Variants in UBAP2L observed in about 807,000 individuals in gnomAD.
The protein encoded by UBAP2L is ubiquitin-associated protein 2-like.
Under a neutral mutation model 130.6 loss-of-function variants are expected in UBAP2L, and 12 were observed. The observed-to-expected ratio is 0.09, with a 90% CI of 0.06 to 0.15. The LOEUF is 0.15. Ranked by LOEUF, UBAP2L falls within the 10% of genes least tolerant of loss-of-function variation. The probability of loss-of-function intolerance (pLI) is 1.00; values close to 1 mark genes in which losing one functional copy is unlikely to be tolerated. For missense variants in UBAP2L, 965 were observed against 1,332.5 expected, an observed-to-expected ratio of 0.72 and a Z score of 4.29; for synonymous variants, 503 against 524.7, an observed-to-expected ratio of 0.96 and a Z score of 0.57.
chr1:154,254,769 T>C lies in UBAP2L; in HGVS notation c.1855-67T>C. The C allele has an allele frequency of 6.5e-6, 10 of 1,527,088 alleles. No homozygotes were observed. In the South Asian group the frequency reaches 8.3e-5, roughly 13 times the overall value. The allele number at this position is 1,527,088 out of a possible 1,614,324, so 94.6% of individuals were successfully genotyped here. ...GTTGACCAAAATAAAGCTGCATCAGTGCTAACTTTCCTCATTCACATGAGT... is the reference window on the plus strand; with the variant it reads ...GTTGACCAAAATAAAGCTGCATCAGCGCTAACTTTCCTCATTCACATGAGT... On this transcript the variant is annotated intron_variant, in intron 15 of 26. Transcript: ENST00000428931.
intron 23 of UBAP2L, 30 bp from the exon 24 acceptor site, chr1:154,261,562 C>G: frequency 6.2e-7 from 1 of 1,603,182 alleles, no homozygotes; most frequent in Non-Finnish European, 8.5e-7. Flanking sequence ...GCTGCCAAGT[C>G]ACTGCAAATC....
rs1472945517 is a variant in UBAP2L, at chr1:154,254,062, A to G, written c.1827A>G (p.Ser609=). 1 of 1,589,230 alleles carries G rather than the reference A, an allele frequency of 6.3e-7. No individual in the cohort carries two copies. Among genetic ancestry groups the G allele is most frequent in the Non-Finnish European group, 8.5e-7 (1 of 1,169,622 alleles). ...GGTACCCCAGCTCCATCTCTTCATC[A>G]CCCCAAAAGGACCTGACTCAGGCAA... ...TRRYPSSISS[S]PQKDLTQAKN... is the part of the protein sequence containing the mutation. The change falls in exon 15 of 27, where the codon TCA becomes TCG. Residue 609 remains serine, a synonymous_variant. Transcript: ENST00000428931.
intron 6 of UBAP2L, 99 bp from the exon 7 acceptor site, chr1:154,236,467 T>G: frequency 7.6e-7 from 1 of 1,307,198 alleles, no homozygotes; most frequent in Non-Finnish European, 1.1e-6. Context: ...TTCAAAGTGC[T>G]GGGATTACCA....
intron 17 of UBAP2L, 148 bp from the exon 18 acceptor site, chr1:154,255,535 C>T (rs1679339820): frequency 9.0e-7 from 1 of 1,106,778 alleles, no homozygotes; most frequent in Non-Finnish European, 1.3e-6. Flanking sequence ...TGCTCTCTAC[C>T]CCTGGCTGGC....
chr1:154,235,432 A>G, intron 6 of UBAP2L, 141 bp downstream of exon 6: 1 of 571,068 alleles, frequency 1.8e-6, no homozygotes, highest in South Asian at 2.3e-5. Flanking sequence ...AGCTCACTGC[A>G]GCCTCAGACT....
rs766545884 is a variant in UBAP2L at position 154,236,560 on chromosome 1, CT to C, written c.545-3del. 48 of 1,613,764 alleles carry C rather than the reference CT, an allele frequency of 3.0e-5. No individual in the cohort carries two copies. The highest frequency in any genetic ancestry group is 4.1e-5 in the Non-Finnish European group (48 of 1,179,930). On this transcript the variant is annotated splice_region_variant and splice_polypyrimidine_tract_variant and intron_variant, in intron 6 of 26. Coordinates refer to ENST00000428931, the MANE Select transcript of UBAP2L (RefSeq NM_014847.4). ...CTCTCTTCTCTTTTTCTCATTCTTT[CT>C]TTAGGTGGCTCTGGTAGGCGAGGAG...
chr1:154,226,879 G>A (rs1407837394), intron 2 of UBAP2L, among the ~76,000 whole-genome samples: 1 of 152,134 alleles, frequency 6.6e-6, no homozygotes, highest in Non-Finnish European at 1.5e-5. Flanking sequence ...CTGGAGTGCA[G>A]TGCCACTATC....
rs61695071 is a variant in UBAP2L at position 154,233,651 on chromosome 1, C to CTGTGTGTG, written c.280-920_280-913dup. ...CAGCCTGATCTTTTAAATGAAATTGCTGTGTGTGTGTGTGTGTGTGTGTGT... is the reference window on the plus strand; with the variant it reads ...CAGCCTGATCTTTTAAATGAAATTGCTGTGTGTGTGTGTGTGTGTGTGTGTGTGTGTGT... On this transcript the variant is annotated intron_variant, in intron 4 of 26. Coordinates refer to ENST00000428931, the MANE Select transcript of UBAP2L (RefSeq NM_014847.4). Among the ~76,000 whole-genome samples, 1,378 of 146,164 alleles carry CTGTGTGTG rather than the reference C, an allele frequency of 9.4e-3. 64 individuals carry two copies. Among genetic ancestry groups the CTGTGTGTG allele is most frequent in the African/African-American group, 0.032 (1,240 of 38,602 alleles).
chr1:154,220,506 C>A, upstream of UBAP2L: 2 of 1,368,254 alleles, frequency 1.5e-6, no homozygotes, highest in East Asian at 2.3e-5. Context: ...TCCCCTGGAG[C>A]TCCCCGGCCA....
At chr1:154,238,531 G>A (rs1672415704) in intron 8 of UBAP2L, among the ~76,000 whole-genome samples, 1 of 152,138 alleles carries the variant, frequency 6.6e-6, no homozygotes, top group Non-Finnish European at 1.5e-5. Flanking sequence ...CCAGTCCTTA[G>A]CCTTCGCTGT....
chr1:154,251,416 T>C, intron 13 of UBAP2L, 65 bp from the exon 14 acceptor site: 1 of 1,553,614 alleles, frequency 6.4e-7, no homozygotes, highest in South Asian at 1.2e-5. Context: ...AAGGGAAGGG[T>C]TTTTTTTAGT....
intron 2 of UBAP2L, among the ~76,000 whole-genome samples, chr1:154,225,939 G>C (rs1667790500): frequency 6.6e-6 from 1 of 152,190 alleles, no homozygotes; most frequent in South Asian, 2.1e-4. Context: ...TCAGCTTTCT[G>C]AGTAGCTGGG....
At chr1:154,270,051 C>G in intron 26 of UBAP2L, 149 bp from the exon 27 acceptor site, 1 of 928,744 alleles carries the variant, frequency 1.1e-6, no homozygotes, top group Non-Finnish European at 1.5e-6. Flanking sequence ...GCTTTAGCAG[C>G]TATGCAGACC....
intron 10 of UBAP2L, 118 bp downstream of exon 10, chr1:154,243,420 C>A: frequency 2.8e-6 from 2 of 707,674 alleles, no homozygotes; most frequent in Non-Finnish European, 4.5e-6. Context: ...AACCAAATTA[C>A]ATTACATCAT....
In UBAP2L at chr1:154,236,552, C is replaced by T. The variant is rs774793860; in HGVS notation, c.545-14C>T. The T allele has an allele frequency of 2.2e-5, 36 of 1,613,628 alleles. No individual in the cohort carries two copies. The South Asian group carries it at 2.9e-4, about 13-fold the overall frequency. ...AAATACATCTCTCTTCTCTTTTTCT[C>T]ATTCTTTCTTTAGGTGGCTCTGGTA... is the stretch of plus-strand genomic sequence containing the variant. On this transcript the variant is annotated splice_polypyrimidine_tract_variant and intron_variant, in intron 6 of 26. Transcript: ENST00000428931.
At chr1:154,221,748 A>G (rs1666218878) in intron 1 of UBAP2L, among the ~76,000 whole-genome samples, 1 of 151,912 alleles carries the variant, frequency 6.6e-6, no homozygotes, top group Non-Finnish European at 1.5e-5. Flanking sequence ...TCACCAACCC[A>G]GTTCTTGGAA....
chr1:154,259,893 C>T (rs1680977831), intron 21 of UBAP2L, 55 bp from the exon 22 acceptor site: 4 of 1,536,830 alleles, frequency 2.6e-6, no homozygotes, highest in African/African-American at 1.4e-5. Flanking sequence ...AAATAGTACT[C>T]ATGCTGGGGA....
At chr1:154,268,228 G>C (rs1263194537) in intron 25 of UBAP2L, among the ~76,000 whole-genome samples, 1 of 150,602 alleles carries the variant, frequency 6.6e-6, no homozygotes, top group South Asian at 2.1e-4. Flanking sequence ...GTCTCCCTCT[G>C]TCTCCCAGGC....
At chr1:154,259,411 C>T (rs571728824) in intron 21 of UBAP2L, among the ~76,000 whole-genome samples, 31 of 151,814 alleles carry the variant, frequency 2.0e-4, no homozygotes, top group African/African-American at 7.2e-4. Context: ...CCAAGCTGGT[C>T]TTGAACTCCT....
Sources: gnomAD v4.1 joint callset for allele counts (sites outside exome capture counted in the v4.1 genomes callset) on GRCh38, gnomAD v4.1.1 for gene constraint, MANE v1.5 for transcripts, NCBI Gene and HGNC (gene_info 2026-07-23, HGNC 2026-07-21) for gene names.